Variants in PDE4B observed in about 807,000 individuals in gnomAD.
PDE4B encodes the protein 3',5'-cyclic-AMP phosphodiesterase 4B.
Under a neutral mutation model 82.2 loss-of-function variants are expected in PDE4B, and 20 were observed. The ratio of observed to expected loss-of-function variants is 0.24; its 90% CI spans 0.17 to 0.35. The LOEUF is 0.35. Among genes scored for constraint, PDE4B ranks in the 10% least tolerant of loss-of-function variants. The probability of loss-of-function intolerance (pLI) is 1.00; values close to 1 mark genes in which losing one functional copy is unlikely to be tolerated. For missense variants in PDE4B, 655 were observed against 907.2 expected (o/e 0.72, Z 3.57); for synonymous variants, 320 against 318.9 (o/e 1.00, Z -0.04).
intron 3 of PDE4B, among the ~76,000 whole-genome samples, chr1:66,058,576 C>G (rs1474118362): frequency 1.3e-5 from 2 of 152,234 alleles, no homozygotes; most frequent in South Asian, 2.1e-4. Context: ...CAGAGGTTCC[C>G]AAACCTCAGT....
chr1:65,998,331 G>A (rs1466541483), intron 3 of PDE4B, among the ~76,000 whole-genome samples: 1 of 151,814 alleles, frequency 6.6e-6, no homozygotes, highest in East Asian at 2.0e-4. Context: ...AAGCTAGGAA[G>A]TAAGACTGTG....
At chr1:65,998,868 TAAA>T (rs5774782) in intron 3 of PDE4B, among the ~76,000 whole-genome samples, 37 of 138,418 alleles carry the variant, frequency 2.7e-4, no homozygotes, top group African/African-American at 5.1e-4. Flanking sequence ...CCTAGTGGGT[TAAA>T]AAAAAAAAAA....
intron 3 of PDE4B, among the ~76,000 whole-genome samples, chr1:66,186,101 C>T (rs931551507): frequency 6.6e-6 from 1 of 152,102 alleles, no homozygotes; most frequent in Non-Finnish European, 1.5e-5. Flanking sequence ...GAATCCTTTC[C>T]CCATTTCTTG....
At chr1:66,024,737 A>T (rs1349047709) in intron 3 of PDE4B, among the ~76,000 whole-genome samples, 1 of 152,074 alleles carries the variant, frequency 6.6e-6, no homozygotes, top group African/African-American at 2.4e-5. Context: ...CTTTTTCACC[A>T]TTAAATAATG....
chr1:66,272,313 A>G (rs1321691880), intron 7 of PDE4B, among the ~76,000 whole-genome samples: 1 of 152,222 alleles, frequency 6.6e-6, no homozygotes, highest in Non-Finnish European at 1.5e-5. Flanking sequence ...TTAGGGAGAC[A>G]TCTTGAGCAG....
At chr1:65,964,766 C>A (rs1649725369) in intron 3 of PDE4B, among the ~76,000 whole-genome samples, 1 of 152,092 alleles carries the variant, frequency 6.6e-6, no homozygotes, top group Non-Finnish European at 1.5e-5. Flanking sequence ...AAAAGATATT[C>A]AGAATATATT....
intron 9 of PDE4B, among the ~76,000 whole-genome samples, chr1:66,358,470 T>C (rs1050853207): frequency 2.0e-5 from 3 of 151,732 alleles, no homozygotes; most frequent in African/African-American, 7.3e-5. Context: ...AGGTCAGGAG[T>C]TCGAGACCAG....
intron 3 of PDE4B, among the ~76,000 whole-genome samples, chr1:66,056,483 A>G (rs1023881893): frequency 2.2e-5 from 3 of 133,606 alleles, no homozygotes; most frequent in Non-Finnish European, 3.2e-5. Context: ...CTATCTATCT[A>G]TCATCTATCT....
At chr1:65,850,076 T>C (rs1646312950) in intron 1 of PDE4B, among the ~76,000 whole-genome samples, 1 of 151,514 alleles carries the variant, frequency 6.6e-6, no homozygotes, top group Non-Finnish European at 1.5e-5. Flanking sequence ...AGTTACTCCA[T>C]ATCATCACCA....
intron 3 of PDE4B, among the ~76,000 whole-genome samples, chr1:65,961,941 T>G (rs778817561): frequency 6.6e-6 from 1 of 152,180 alleles, no homozygotes; most frequent in African/African-American, 2.4e-5. Flanking sequence ...GTCTGTAGCA[T>G]GCGATTTAAC....
At chr1:65,854,506 A>C (rs1280569671) in intron 1 of PDE4B, among the ~76,000 whole-genome samples, 2 of 151,508 alleles carry the variant, frequency 1.3e-5, no homozygotes, top group African/African-American at 4.8e-5. Context: ...TATATTCTCT[A>C]GGTATAAAAT....
intron 9 of PDE4B, among the ~76,000 whole-genome samples, chr1:66,359,306 G>A (rs943427352): frequency 2.0e-5 from 3 of 152,154 alleles, no homozygotes; most frequent in South Asian, 2.1e-4. Flanking sequence ...TTTTTTATCC[G>A]CTTTTTGTTT....
At chr1:65,997,890 A>G (rs1651638402) in intron 3 of PDE4B, among the ~76,000 whole-genome samples, 1 of 152,180 alleles carries the variant, frequency 6.6e-6, no homozygotes, top group Non-Finnish European at 1.5e-5. Context: ...AGAAATAACT[A>G]CCACTAGAGA....
intron 3 of PDE4B, among the ~76,000 whole-genome samples, chr1:66,212,603 A>C (rs1239447081): frequency 6.6e-6 from 1 of 151,998 alleles, no homozygotes; most frequent in Non-Finnish European, 1.5e-5. Context: ...TTACCATTTA[A>C]ATTTTATTGT....
chr1:66,171,551 A>T (rs1646836674), intron 3 of PDE4B, among the ~76,000 whole-genome samples: 1 of 152,192 alleles, frequency 6.6e-6, no homozygotes, highest in Non-Finnish European at 1.5e-5. Context: ...TTGGAGGTGA[A>T]GTGCCTATTA....
At chr1:66,029,072 A>G (rs7525758) in intron 3 of PDE4B, among the ~76,000 whole-genome samples, 47,064 of 152,088 alleles carry the variant, frequency 0.31, 7,590 homozygotes, top group Middle Eastern at 0.43. Flanking sequence ...TTATAAAGAC[A>G]TAACCAAGAC....
chr1:66,023,923 T>A (rs1653289444), intron 3 of PDE4B, among the ~76,000 whole-genome samples: 1 of 152,140 alleles, frequency 6.6e-6, no homozygotes, highest in South Asian at 2.1e-4. Context: ...AAGTGGAGAG[T>A]TGAACTCAGG....
At chr1:66,318,402 C>A (rs1428377124) in intron 7 of PDE4B, among the ~76,000 whole-genome samples, 4 of 152,188 alleles carry the variant, frequency 2.6e-5, no homozygotes, top group Non-Finnish European at 5.9e-5. Context: ...CTCCTTGAGA[C>A]TCACCCAACT....
At chr1:65,953,694 G>A (rs1490689011) in intron 3 of PDE4B, among the ~76,000 whole-genome samples, 1 of 152,110 alleles carries the variant, frequency 6.6e-6, no homozygotes, top group African/African-American at 2.4e-5. Flanking sequence ...AGTTACTACA[G>A]TGATAAGAAA....
Sources: gnomAD v4.1 joint callset for allele counts (sites outside exome capture counted in the v4.1 genomes callset) on GRCh38, gnomAD v4.1.1 for gene constraint, MANE v1.5 for transcripts, NCBI Gene and HGNC (gene_info 2026-07-23, HGNC 2026-07-21) for gene names.